AMBRA1: variants seen among roughly 807,000 people sequenced by gnomAD.
AMBRA1 encodes activating molecule in BECN1-regulated autophagy protein 1.
In AMBRA1, 47 loss-of-function variants were observed where a neutral mutation model predicts 125.4. The ratio of observed to expected loss-of-function variants is 0.37; its 90% CI spans 0.30 to 0.48. AMBRA1 has a LOEUF of 0.48. Among genes scored for constraint, AMBRA1 ranks in the 20% least tolerant of loss-of-function variants. The pLI, the probability that AMBRA1 is intolerant of heterozygous loss-of-function variation, is 0.99. For synonymous variants in AMBRA1, 626 were observed against 655.5 expected (o/e 0.95, Z 0.69); for missense variants, 1,331 against 1,693.4 (o/e 0.79, Z 3.76).
intron 11 of AMBRA1, among the ~76,000 whole-genome samples, chr11:46,482,737 G>A (rs765282713): frequency 5.3e-5 from 8 of 152,126 alleles, no homozygotes; most frequent in Non-Finnish European, 1.0e-4. Flanking sequence ...CCAGCCAGGC[G>A]TAGTGGCTCA....
At chr11:46,550,623 T>C (rs1322820707) in intron 1 of AMBRA1, among the ~76,000 whole-genome samples, 1 of 152,210 alleles carries the variant, frequency 6.6e-6, no homozygotes, top group Non-Finnish European at 1.5e-5. Context: ...CTACATGTAT[T>C]AGCTGGCTTT....
At chr11:46,555,928 T>C (rs562613515) in intron 1 of AMBRA1, among the ~76,000 whole-genome samples, 86 of 152,388 alleles carry the variant, frequency 5.6e-4, no homozygotes, top group African/African-American at 1.9e-3. Flanking sequence ...CACTTCACTA[T>C]GCCCATGTGG....
rs757317819 is a variant in AMBRA1, at chr11:46,543,057, A to G, written c.960T>C (p.Pro320=). 53 of 1,598,390 alleles carry G rather than the reference A, an allele frequency of 3.3e-5. 1 individual carries two copies. Among genetic ancestry groups the G allele is most frequent in the Non-Finnish European group, 4.5e-5 (53 of 1,179,578 alleles). The change falls in exon 7 of 18, where the codon CCT becomes CCC. Residue 320 remains proline, a synonymous_variant. Coordinates refer to ENST00000683756, the MANE Select transcript of AMBRA1 (RefSeq NM_001387011.1). ...LCSRCSGTRV[P]SLLPHQDSVP... is the part of the protein sequence containing the mutation. ...CACTGTCCTGGTGTGGCAAGAGGGA[A>G]GGAACTCGAGTGCCAGAGCAGCGGC...
intron 17 of AMBRA1, among the ~76,000 whole-genome samples, chr11:46,400,477 T>TG (rs1590702580): frequency 3.3e-5 from 2 of 60,066 alleles, no homozygotes; most frequent in South Asian, 1.1e-3. Flanking sequence ...TCTATAGTTT[T>TG]TTTTTTTTTT....
At chr11:46,443,270 CT>C (rs1948108183) in intron 12 of AMBRA1, among the ~76,000 whole-genome samples, 1 of 152,174 alleles carries the variant, frequency 6.6e-6, no homozygotes, top group African/African-American at 2.4e-5. Flanking sequence ...GTTAATTAAA[CT>C]CGATTAATCC....
rs979093655 is a variant in AMBRA1 at position 46,540,802 on chromosome 11, C to T, written c.2072+1143G>A. ...GCTCATCTATACTTTTGAAAAATTT[C>T]GTTGTCTTGCCTCCACAATAACACT... On this transcript the variant is annotated intron_variant, in intron 7 of 17. Coordinates refer to ENST00000683756, the MANE Select transcript of AMBRA1 (RefSeq NM_001387011.1). Among the ~76,000 whole-genome samples the T allele has an allele frequency of 5.9e-5, 9 of 152,304 alleles. No homozygotes were observed. In the East Asian group the frequency reaches 7.7e-4, roughly 13 times the overall value.
chr11:46,542,697 G>T lies in AMBRA1; in HGVS notation c.1320C>A (p.Thr440=), dbSNP rs1272659269. The T allele has an allele frequency of 1.2e-6, 2 of 1,614,030 alleles. No homozygotes were observed. Among genetic ancestry groups the T allele is most frequent in the Non-Finnish European group, 1.7e-6 (2 of 1,180,038 alleles). ...SEAESMPPPR[T]SASSVSLLSV... ...ACAGCAAACTCACCGAAGAGGCACT[G>T]GTTCTGGGCGGGGGCATGGATTCCG... Residue 440 remains threonine, a synonymous_variant, in exon 7 of 18, where the codon ACC becomes ACA. Transcript: ENST00000683756. The surrounding 1 kb of genome is among the most constrained non-coding windows in gnomAD (Gnocchi z 5.9).
intron 1 of AMBRA1, among the ~76,000 whole-genome samples, chr11:46,561,084 G>A (rs1306473445): frequency 6.6e-6 from 1 of 152,082 alleles, no homozygotes; most frequent in Non-Finnish European, 1.5e-5. Context: ...TGGAGCTACA[G>A]CAAGAATATT....
At chr11:46,585,708 A>ATATATATATAT (rs1555017460) in intron 1 of AMBRA1, among the ~76,000 whole-genome samples, 1 of 94,788 alleles carries the variant, frequency 1.1e-5, no homozygotes, top group African/African-American at 3.9e-5. Context: ...ATATATATAT[A>ATATATATATAT]TATATATATA....
chr11:46,573,877 C>T (rs1341498593), intron 1 of AMBRA1, among the ~76,000 whole-genome samples: 1 of 140,002 alleles, frequency 7.1e-6, no homozygotes, highest in Non-Finnish European at 1.5e-5. Flanking sequence ...CATGTGATCT[C>T]ATTGTTCAAT....
chr11:46,422,364 A>T (rs1370960598), intron 14 of AMBRA1, among the ~76,000 whole-genome samples: 1 of 152,192 alleles, frequency 6.6e-6, no homozygotes, highest in Non-Finnish European at 1.5e-5. Context: ...CAGTCTCAGC[A>T]TGTTAATAGG....
At chr11:46,508,112 G>A in intron 9 of AMBRA1, 79 bp downstream of exon 9, 1 of 1,444,292 alleles carries the variant, frequency 6.9e-7, no homozygotes, top group Non-Finnish European at 9.6e-7. Flanking sequence ...ATCCACCATT[G>A]TAGCTCCAAC....
chr11:46,562,989 G>C (rs532414337), intron 1 of AMBRA1, among the ~76,000 whole-genome samples: 3 of 151,940 alleles, frequency 2.0e-5, no homozygotes, highest in Admixed American at 6.6e-5. Flanking sequence ...GTGGAAACAG[G>C]GTTTCACCAT....
chr11:46,485,271 A>G (rs1194795267), intron 11 of AMBRA1, among the ~76,000 whole-genome samples: 1 of 152,138 alleles, frequency 6.6e-6, no homozygotes. Flanking sequence ...ATTTCACTAT[A>G]CTGTCTCTCA....
At chr11:46,416,662 C>T (rs944754810) in intron 15 of AMBRA1, among the ~76,000 whole-genome samples, 3 of 152,198 alleles carry the variant, frequency 2.0e-5, no homozygotes, top group East Asian at 1.9e-4. Flanking sequence ...CGGACACTTC[C>T]GATAACCAGA....
At chr11:46,544,195 A>T (rs1388775202) in intron 5 of AMBRA1, among the ~76,000 whole-genome samples, 154 bp from the exon 6 acceptor site, 1 of 152,202 alleles carries the variant, frequency 6.6e-6, no homozygotes, top group African/African-American at 2.4e-5. Context: ...TTTCAAAGAG[A>T]TTAAAATAGT....
intron 11 of AMBRA1, among the ~76,000 whole-genome samples, chr11:46,474,973 TGAG>T (rs1236272453): frequency 6.6e-6 from 1 of 152,090 alleles, no homozygotes; most frequent in African/African-American, 2.4e-5. Flanking sequence ...ATGTATAACA[TGAG>T]GAGGATGACA....
chr11:46,539,401 T>C (rs55708034), intron 7 of AMBRA1, among the ~76,000 whole-genome samples: 1 of 151,806 alleles, frequency 6.6e-6, no homozygotes, highest in Non-Finnish European at 1.5e-5. Flanking sequence ...CTACTAAAAA[T>C]ACAAAATTAG....
chr11:46,577,633 T>C (rs2044002769), intron 1 of AMBRA1, among the ~76,000 whole-genome samples: 1 of 152,090 alleles, frequency 6.6e-6, no homozygotes, highest in African/African-American at 2.4e-5. Flanking sequence ...CAGTAAATCC[T>C]TATTCTAAAA....
Sources: gnomAD v4.1 joint callset for allele counts (sites outside exome capture counted in the v4.1 genomes callset) on GRCh38, gnomAD v4.1.1 for gene constraint, Gnocchi (gnomAD v3.1) non-coding constraint, MANE v1.5 for transcripts, NCBI Gene and HGNC (gene_info 2026-07-23, HGNC 2026-07-21) for gene names.